CDKAL1: variants seen among roughly 807,000 people sequenced by gnomAD.
The protein encoded by CDKAL1 is CDKAL1 threonylcarbamoyladenosine tRNA methylthiotransferase, also known as threonylcarbamoyladenosine tRNA methylthiotransferase.
In CDKAL1, 32 loss-of-function variants were observed where a neutral mutation model predicts 68.2. The ratio of observed to expected loss-of-function variants is 0.47; its 90% CI spans 0.35 to 0.63. CDKAL1 has a LOEUF of 0.63. Among genes scored for constraint, CDKAL1 ranks in the 30% least tolerant of loss-of-function variants. The pLI is 0.00. For synonymous variants in CDKAL1, 234 were observed against 244.3 expected (o/e 0.96, Z 0.39); for missense variants, 606 against 696.7 (o/e 0.87, Z 1.47).
chr6:20,763,618 G>T (rs913527979), intron 7 of CDKAL1, among the ~76,000 whole-genome samples: 3 of 152,074 alleles, frequency 2.0e-5, no homozygotes, highest in African/African-American at 7.2e-5. Context: ...TCTCATCTTT[G>T]AAGGGGCTTT....
At chr6:20,901,903 A>G (rs907635075) in intron 9 of CDKAL1, among the ~76,000 whole-genome samples, 1 of 151,712 alleles carries the variant, frequency 6.6e-6, no homozygotes, top group Non-Finnish European at 1.5e-5. Flanking sequence ...CAGCCTCCTA[A>G]GTAGCTGGGA....
intron 15 of CDKAL1, among the ~76,000 whole-genome samples, chr6:21,214,682 A>T (rs766157934): frequency 1.1e-4 from 17 of 152,072 alleles, no homozygotes; most frequent in Admixed American, 4.6e-4. Context: ...AGTACTTCCT[A>T]TTCTTACTCT....
intron 13 of CDKAL1, among the ~76,000 whole-genome samples, chr6:21,173,518 A>C (rs1470596377): frequency 6.6e-6 from 1 of 152,230 alleles, no homozygotes; most frequent in African/African-American, 2.4e-5. Context: ...ACATGCATTG[A>C]CACTCATTGA....
At position 20,891,839 on chromosome 6, in the gene CDKAL1, G is replaced by A. The variant is rs573832696; in HGVS notation, c.742+45661G>A. Reference sequence around the variant, plus strand: ...TGAGCCACGGCGCCTGGCCCATCCTGCTTATTTCTTACATGCATAAGGGAC... The same window carrying A: ...TGAGCCACGGCGCCTGGCCCATCCTACTTATTTCTTACATGCATAAGGGAC... On this transcript the variant is annotated intron_variant, in intron 9 of 15. Coordinates refer to ENST00000274695, the MANE Select transcript of CDKAL1 (RefSeq NM_017774.3). Among the ~76,000 whole-genome samples the A allele has an allele frequency of 9.2e-5, 14 of 152,186 alleles. No individual in the cohort carries two copies. In the East Asian group the frequency reaches 2.7e-3, roughly 29 times the overall value.
chr6:20,712,304 C>A (rs1771883154), intron 5 of CDKAL1, among the ~76,000 whole-genome samples: 1 of 152,114 alleles, frequency 6.6e-6, no homozygotes, highest in South Asian at 2.1e-4. Flanking sequence ...TCAGGAAAGA[C>A]TTTTCTGGAG....
At chr6:20,725,149 C>A (rs780919925) in intron 5 of CDKAL1, among the ~76,000 whole-genome samples, 7 of 148,630 alleles carry the variant, frequency 4.7e-5, no homozygotes, top group Non-Finnish European at 7.4e-5. Context: ...TTTCTTTTCT[C>A]TCTTTCTCCC....
chr6:20,815,788 G>A (rs1456321213), intron 8 of CDKAL1, among the ~76,000 whole-genome samples: 2 of 151,932 alleles, frequency 1.3e-5, no homozygotes, highest in African/African-American at 4.8e-5. Context: ...CTGGTATGTT[G>A]GTATGCATAT....
intron 10 of CDKAL1, among the ~76,000 whole-genome samples, chr6:20,961,863 T>C (rs1765075382): frequency 6.6e-6 from 1 of 152,048 alleles, no homozygotes; most frequent in Middle Eastern, 3.4e-3. Context: ...CCCCAAGTCA[T>C]AAGTTTACAT....
chr6:20,992,208 A>ATATATATATATATATGTATG lies in CDKAL1; in HGVS notation c.910-8016_910-8015insATATATATATATGTATGTAT, dbSNP rs200094831. On this transcript the variant is annotated intron_variant, in intron 10 of 15. Coordinates refer to ENST00000274695, the MANE Select transcript of CDKAL1 (RefSeq NM_017774.3). ...ATAGTCAGCTTTTTTATATATATAT[A>ATATATATATATATATGTATG]TATGTATTTTGTATTATATGTATAT... Among the ~76,000 whole-genome samples the ATATATATATATATATGTATG allele has an allele frequency of 2.1e-4, 31 of 144,626 alleles. 4 individuals carry two copies. Among genetic ancestry groups the ATATATATATATATATGTATG allele is most frequent in the African/African-American group, 8.8e-4 (31 of 35,410 alleles). The allele number at this position is 144,626 out of a possible 152,430, so 94.9% of individuals were successfully genotyped here. A position where few individuals can be genotyped will look rare whatever the true frequency, so the allele number is the denominator to read the frequency against.
At chr6:20,866,622 G>T (rs1453979412) in intron 9 of CDKAL1, among the ~76,000 whole-genome samples, 1 of 152,172 alleles carries the variant, frequency 6.6e-6, no homozygotes, top group Non-Finnish European at 1.5e-5. Context: ...TTAGTGGATA[G>T]AATCATTAGA....
At chr6:21,178,103 C>T (rs998697165) in intron 13 of CDKAL1, among the ~76,000 whole-genome samples, 1 of 151,896 alleles carries the variant, frequency 6.6e-6, no homozygotes, top group Non-Finnish European at 1.5e-5. Flanking sequence ...TTATTAAAGG[C>T]TAATTCCAGC....
intron 8 of CDKAL1, among the ~76,000 whole-genome samples, chr6:20,786,923 G>GAAAGGTAAAAT (rs1193837951): frequency 6.6e-6 from 1 of 152,094 alleles, no homozygotes; most frequent in East Asian, 1.9e-4. Flanking sequence ...TACCTTCTCT[G>GAAAGGTAAAAT]ACCCTATGAA....
intron 9 of CDKAL1, among the ~76,000 whole-genome samples, chr6:20,908,298 T>C (rs1397338594): frequency 6.6e-6 from 1 of 152,224 alleles, no homozygotes; most frequent in East Asian, 1.9e-4. Flanking sequence ...CAGATCACCA[T>C]AATAAGAATT....
At chr6:20,979,796 G>A (rs1372326140) in intron 10 of CDKAL1, among the ~76,000 whole-genome samples, 7 of 140,624 alleles carry the variant, frequency 5.0e-5, no homozygotes, top group African/African-American at 1.9e-4. Context: ...TTTTGGGACA[G>A]CATCTCACTT....
intron 9 of CDKAL1, among the ~76,000 whole-genome samples, chr6:20,917,228 G>A (rs868140043): frequency 2.6e-5 from 4 of 152,094 alleles, no homozygotes; most frequent in Admixed American, 6.5e-5. Flanking sequence ...TGATCCGCCC[G>A]CCTCGGCCTC....
At chr6:20,585,995 A>G (rs185719136) in intron 4 of CDKAL1, among the ~76,000 whole-genome samples, 178 of 152,276 alleles carry the variant, frequency 1.2e-3, no homozygotes, top group African/African-American at 3.8e-3. Flanking sequence ...TTCATATCTC[A>G]GTAAAAGGAT....
intron 6 of CDKAL1, among the ~76,000 whole-genome samples, chr6:20,746,157 T>C (rs1420016201): frequency 6.6e-6 from 1 of 152,186 alleles, no homozygotes; most frequent in Non-Finnish European, 1.5e-5. Context: ...CCAATCCTCA[T>C]TTTACTGGCA....
chr6:20,834,282 T>C (rs1160256272), intron 8 of CDKAL1, among the ~76,000 whole-genome samples: 1 of 152,192 alleles, frequency 6.6e-6, no homozygotes, highest in African/African-American at 2.4e-5. Flanking sequence ...TGGCCTCAGC[T>C]TGTCCCTTGC....
At chr6:20,674,551 C>T (rs1261531335) in intron 5 of CDKAL1, among the ~76,000 whole-genome samples, 2 of 152,134 alleles carry the variant, frequency 1.3e-5, no homozygotes, top group African/African-American at 4.8e-5. Flanking sequence ...TTAGTTTATT[C>T]ATCACCTCAA....
Sources: allele counts gnomAD v4.1 joint callset (sites outside exome capture counted in the v4.1 genomes callset), GRCh38; gene constraint gnomAD v4.1.1; transcripts MANE v1.5; gene names NCBI Gene and HGNC (gene_info 2026-07-23, HGNC 2026-07-21).